ANAPC1: variants seen among roughly 807,000 people sequenced by gnomAD.
ANAPC1 encodes the protein anaphase promoting complex subunit 1.
In ANAPC1, 36 loss-of-function variants were observed where a neutral mutation model predicts 208.0. The observed-to-expected ratio is 0.17, with a 90% CI of 0.13 to 0.23. ANAPC1 has a LOEUF of 0.23. Among genes scored for constraint, ANAPC1 ranks in the 10% least tolerant of loss-of-function variants. The pLI is 1.00. For missense variants in ANAPC1, 942 were observed against 2,011.6 expected (o/e 0.47, Z 10.17); for synonymous variants, 378 against 695.2 (o/e 0.54, Z 7.18).
chr2:111,773,894 C>T (rs1019091514), intron 46 of ANAPC1, among the ~76,000 whole-genome samples: 2 of 151,466 alleles, frequency 1.3e-5, no homozygotes, highest in African/African-American at 4.9e-5. Context: ...TCTTTCACAG[C>T]TGAATCAGGA....
intron 38 of ANAPC1, among the ~76,000 whole-genome samples, chr2:111,788,537 A>G (rs1184387054): frequency 6.6e-6 from 1 of 151,306 alleles, no homozygotes; most frequent in Non-Finnish European, 1.5e-5. Context: ...AATATCCCAT[A>G]AATGTTAAAT....
At chr2:111,826,365 C>T (rs1247320245) in intron 21 of ANAPC1, among the ~76,000 whole-genome samples, 3 of 152,200 alleles carry the variant, frequency 2.0e-5, no homozygotes, top group African/African-American at 7.2e-5. Context: ...CAATCCTTTC[C>T]TCCTACACCC....
chr2:111,828,766 G>A (rs958808799), intron 21 of ANAPC1, among the ~76,000 whole-genome samples: 7 of 152,122 alleles, frequency 4.6e-5, no homozygotes, highest in East Asian at 1.9e-4. Context: ...GAAACAGAAC[G>A]GAATTACCAG....
At chr2:111,840,924 T>C (rs927014497) in intron 17 of ANAPC1, among the ~76,000 whole-genome samples, 1 of 152,070 alleles carries the variant, frequency 6.6e-6, no homozygotes, top group Non-Finnish European at 1.5e-5. Flanking sequence ...ATGCCTGTAA[T>C]CCCAGCTACT....
chr2:111,773,479 ATACTTGTGTCCT>A lies in ANAPC1; in HGVS notation c.5585-1016_5585-1005del, dbSNP rs1676854059. Among the ~76,000 whole-genome samples, 19 of 152,284 alleles carry A rather than the reference ATACTTGTGTCCT, an allele frequency of 1.2e-4. No individual in the cohort carries two copies. The South Asian group carries it at 3.9e-3, about 32-fold the overall frequency. ...CCTGCAGACCTCTAATAACATAGGC[ATACTTGTGTCCT>A]TACTGTTTAAAGGCAGGTTAAGTCA... On this transcript the variant is annotated intron_variant, in intron 46 of 47. Coordinates refer to ENST00000341068, the MANE Select transcript of ANAPC1 (RefSeq NM_022662.4).
At chr2:111,800,518 CAT>C (rs964340577) in intron 34 of ANAPC1, among the ~76,000 whole-genome samples, 4 of 120,198 alleles carry the variant, frequency 3.3e-5, no homozygotes, top group African/African-American at 1.3e-4. Context: ...TTCTGGCAAA[CAT>C]ATTTAGTTTT....
chr2:111,828,950 C>T (rs527926932), intron 21 of ANAPC1, among the ~76,000 whole-genome samples: 60 of 152,314 alleles, frequency 3.9e-4, no homozygotes, highest in African/African-American at 1.4e-3. Flanking sequence ...CACAGTGGCT[C>T]ACGCCTGTAA....
Position 111,877,109 on chromosome 2 carries a change from C to T in ANAPC1, c.375+1701G>A, listed in dbSNP as rs537486966. Among the ~76,000 whole-genome samples, 490 of 150,836 alleles carry T rather than the reference C, an allele frequency of 3.2e-3. 3 individuals are homozygous for T. The highest frequency in any genetic ancestry group is 0.015 in the South Asian group (71 of 4,686). On this transcript the variant is annotated intron_variant, in intron 3 of 47. Coordinates refer to ENST00000341068, the MANE Select transcript of ANAPC1 (RefSeq NM_022662.4). ...GACATTTCACCCCTAAATACTTCAC[C>T]ATGCCTTTTCTAAAAATAAAGATGT...
chr2:111,871,613 G>A (rs951988394), intron 6 of ANAPC1, among the ~76,000 whole-genome samples: 3 of 152,128 alleles, frequency 2.0e-5, no homozygotes, highest in Non-Finnish European at 2.9e-5. Context: ...TTAGCCAGGC[G>A]TGGTGGTGCA....
chr2:111,854,990 A>T (rs1681620819), intron 13 of ANAPC1, among the ~76,000 whole-genome samples: 1 of 152,172 alleles, frequency 6.6e-6, no homozygotes, highest in Admixed American at 6.5e-5. Flanking sequence ...AGCTTTCAAC[A>T]CGCCTTCCTC....
In ANAPC1 at chr2:111,834,885, A is replaced by C. The variant is rs1332834716; in HGVS notation, c.2116-13T>G. On this transcript the variant is annotated splice_polypyrimidine_tract_variant and intron_variant, in intron 18 of 47. Transcript: ENST00000341068. The stretch of plus-strand genomic sequence containing the variant: ...AATATTCCCAGTCCTGAGAAGAATA[A>C]AAAGAATATTAATTTTTAAAAATAA... 2.7e-6 allele frequency: 4 copies of C among 1,481,848 alleles called. No individual in the cohort carries two copies. Among genetic ancestry groups the C allele is most frequent in the Non-Finnish European group, 3.6e-6 (4 of 1,119,288 alleles). 91.8% of individuals were successfully genotyped at this position (1,481,848 alleles called of 1,614,324 possible).
chr2:111,867,251 T>C lies in ANAPC1; in HGVS notation c.685+772A>G, dbSNP rs184723675. Among the ~76,000 whole-genome samples, 36 of 150,780 alleles carry C rather than the reference T, an allele frequency of 2.4e-4. No homozygotes were observed. The East Asian group carries it at 6.9e-3, about 29-fold the overall frequency. On this transcript the variant is annotated intron_variant, in intron 7 of 47. Coordinates refer to ENST00000341068, the MANE Select transcript of ANAPC1 (RefSeq NM_022662.4). ...GTTGCAGTGAGCCGAGATCGCACCATTGTATTCTGGCCTGGGCAACAAGAG... is the reference window on the plus strand; with the variant it reads ...GTTGCAGTGAGCCGAGATCGCACCACTGTATTCTGGCCTGGGCAACAAGAG...
At chr2:111,823,000 C>CTTTTTTTTTTTTT (rs58815496) in intron 24 of ANAPC1, among the ~76,000 whole-genome samples, 7 of 61,312 alleles carry the variant, frequency 1.1e-4, no homozygotes, top group African/African-American at 3.6e-4. Flanking sequence ...TCTTTTTATT[C>CTTTTTTTTTTTTT]TTTTTTTTTT....
rs567733191 is a variant in ANAPC1, at chr2:111,875,038, T to G, written c.376-1374A>C. Among the ~76,000 whole-genome samples the G allele has an allele frequency of 1.1e-4, 17 of 152,340 alleles. No individual in the cohort carries two copies. The East Asian group carries it at 3.3e-3, about 29-fold the overall frequency. ...ACTTTTCCACAGCAGCTATGTTACA[T>G]TCCCATCAGCAATGCACAGGAGTTC... On this transcript the variant is annotated intron_variant, in intron 3 of 47. Coordinates refer to ENST00000341068, the MANE Select transcript of ANAPC1 (RefSeq NM_022662.4).
intron 26 of ANAPC1, among the ~76,000 whole-genome samples, chr2:111,820,684 A>T (rs1188040925): frequency 7.3e-6 from 1 of 137,514 alleles, no homozygotes; most frequent in African/African-American, 2.7e-5. Context: ...GAAGTGTCCC[A>T]AGAGAATAGC....
At chr2:111,812,580 C>A (rs1191962965) in intron 28 of ANAPC1, among the ~76,000 whole-genome samples, 1 of 146,250 alleles carries the variant, frequency 6.8e-6, no homozygotes. Flanking sequence ...CTGGAAAAAA[C>A]TGAGAGAGGC....
chr2:111,841,854 A>G (rs935869127), intron 17 of ANAPC1, among the ~76,000 whole-genome samples: 3 of 151,268 alleles, frequency 2.0e-5, no homozygotes, highest in Admixed American at 6.6e-5. Flanking sequence ...TGAAAAAAAC[A>G]TTCCCATTTA....
chr2:111,837,622 AAC>A (rs1347893152), intron 18 of ANAPC1, among the ~76,000 whole-genome samples: 1 of 145,678 alleles, frequency 6.9e-6, no homozygotes, highest in Non-Finnish European at 1.5e-5. Flanking sequence ...AAAAAAAAAA[AAC>A]CACACAAGGA....
At chr2:111,774,938 C>T (rs1676926263) in intron 46 of ANAPC1, among the ~76,000 whole-genome samples, 1 of 150,440 alleles carries the variant, frequency 6.6e-6, no homozygotes, top group African/African-American at 2.4e-5. Context: ...CTTTCTTTGC[C>T]CAAAATTATA....
Sources: gnomAD v4.1 joint callset for allele counts (sites outside exome capture counted in the v4.1 genomes callset) on GRCh38, gnomAD v4.1.1 for gene constraint, MANE v1.5 for transcripts, NCBI Gene and HGNC (gene_info 2026-07-23, HGNC 2026-07-21) for gene names.